Variants in SGCD observed in about 807,000 individuals in gnomAD.
SGCD encodes sarcoglycan delta, also known as delta-sarcoglycan.
SGCD carries 18 observed loss-of-function variants against 36.6 expected under a neutral mutation model. The observed-to-expected ratio is 0.49, with a 90% CI of 0.34 to 0.73. SGCD has a LOEUF of 0.73. SGCD is among the 30% of genes least tolerant of loss of function. The pLI is 0.01. For missense variants in SGCD, 387 were observed against 346.7 expected (o/e 1.12, Z -0.92); for synonymous variants, 133 against 130.6 (o/e 1.02, Z -0.12).
intron 3 of SGCD, among the ~76,000 whole-genome samples, chr5:156,191,211 T>C (rs75854159): frequency 5.7e-4 from 87 of 152,176 alleles, no homozygotes; most frequent in African/African-American, 2.0e-3. Context: ...CTTACAGAGA[T>C]GAGAAAAGGA....
rs1763869841 is a variant in SGCD at position 156,190,698 on chromosome 5, A to G, written c.-44+66679A>G. On this transcript the variant is annotated intron_variant, in intron 3 of 9. Transcript: ENST00000517913. ...AATTACTAAGTAAGTTGTATATTAT[A>G]TTAGAGGTAACATGTACCTTTTAAT... Among the ~76,000 whole-genome samples, 3 of 152,274 alleles carry G rather than the reference A, an allele frequency of 2.0e-5. No individual in the cohort carries two copies. The South Asian group carries it at 6.2e-4, about 32-fold the overall frequency.
intron 6 of SGCD, among the ~76,000 whole-genome samples, chr5:156,612,434 T>C (rs1761858466): frequency 1.3e-5 from 2 of 152,232 alleles, no homozygotes; most frequent in African/African-American, 4.8e-5. Flanking sequence ...GGTACTGAAC[T>C]GGTGGTTGGG....
At chr5:156,429,216 C>G (rs968664385) in intron 3 of SGCD, among the ~76,000 whole-genome samples, 1 of 149,506 alleles carries the variant, frequency 6.7e-6, no homozygotes, top group Non-Finnish European at 1.5e-5. Context: ...GACTGTGATA[C>G]CTTCCTGTTG....
At chr5:156,202,814 C>T (rs184233823) in intron 3 of SGCD, among the ~76,000 whole-genome samples, 1 of 144,616 alleles carries the variant, frequency 6.9e-6, no homozygotes, top group African/African-American at 2.6e-5. Context: ...GGAGTTAATG[C>T]AGTTGGGCAT....
intron 4 of SGCD, among the ~76,000 whole-genome samples, chr5:156,572,198 A>G (rs1399897573): frequency 6.6e-6 from 1 of 152,228 alleles, no homozygotes; most frequent in Non-Finnish European, 1.5e-5. Context: ...GAATAGTGCT[A>G]CTATGAGCAT....
intron 7 of SGCD, among the ~76,000 whole-genome samples, chr5:156,747,614 A>C (rs1341671851): frequency 6.6e-6 from 1 of 152,154 alleles, no homozygotes; most frequent in African/African-American, 2.4e-5. Flanking sequence ...TCAACATGGT[A>C]GCCGGCTTCC....
At chr5:156,577,380 A>T (rs1760010809) in intron 4 of SGCD, among the ~76,000 whole-genome samples, 1 of 152,222 alleles carries the variant, frequency 6.6e-6, no homozygotes, top group African/African-American at 2.4e-5. Context: ...CTTTTTGCTT[A>T]GGATTGTCTT....
chr5:156,076,589 G>A (rs1292799831), intron 1 of SGCD, among the ~76,000 whole-genome samples: 1 of 152,116 alleles, frequency 6.6e-6, no homozygotes, highest in Non-Finnish European at 1.5e-5. Flanking sequence ...GCTAGCTATG[G>A]GATGAAGTTT....
the SGCD span, among the ~76,000 whole-genome samples, chr5:155,742,860 C>T: frequency 6.6e-6 from 1 of 152,220 alleles, no homozygotes; most frequent in Admixed American, 6.5e-5. Context: ...TTCTATTACC[C>T]TCTCCTCTGA....
chr5:156,222,378 C>T (rs1446887020), intron 3 of SGCD, among the ~76,000 whole-genome samples: 1 of 152,120 alleles, frequency 6.6e-6, no homozygotes, highest in Non-Finnish European at 1.5e-5. Context: ...TTTATAGATT[C>T]TACTTTACAT....
intron 3 of SGCD, among the ~76,000 whole-genome samples, chr5:156,252,482 C>CT (rs1342915625): frequency 2.6e-5 from 4 of 152,112 alleles, no homozygotes; most frequent in Non-Finnish European, 5.9e-5. Flanking sequence ...ATTTTGCGTC[C>CT]TTTTTTAAAG....
chr5:156,550,986 T>C (rs1193253303), intron 4 of SGCD, among the ~76,000 whole-genome samples: 22 of 152,208 alleles, frequency 1.4e-4, no homozygotes, highest in Non-Finnish European at 1.5e-5. Context: ...TCTTTACCAC[T>C]TGGCTGTCTC....
intron 3 of SGCD, chr5:156,458,323 A>G (rs1754343291): frequency 2.1e-6 from 2 of 954,050 alleles, no homozygotes; most frequent in East Asian, 2.6e-5. Context: ...TAACATGTTT[A>G]TTCTTTTGCG....
At chr5:156,528,162 T>C (rs1393586768) in intron 4 of SGCD, among the ~76,000 whole-genome samples, 1 of 152,202 alleles carries the variant, frequency 6.6e-6, no homozygotes, top group Non-Finnish European at 1.5e-5. Context: ...CTTCCTGAAT[T>C]TGAATCTTTG....
chr5:156,318,479 C>A (rs1225927784), intron 3 of SGCD, among the ~76,000 whole-genome samples: 1 of 152,172 alleles, frequency 6.6e-6, no homozygotes, highest in African/African-American at 2.4e-5. Context: ...ACAGACCAAC[C>A]ACTCACTAAA....
intron 3 of SGCD, among the ~76,000 whole-genome samples, chr5:156,201,506 T>C (rs1374981892): frequency 6.6e-6 from 1 of 152,076 alleles, no homozygotes; most frequent in African/African-American, 2.4e-5. Context: ...AGTGTAACCA[T>C]AGGAGGTTTT....
chr5:156,676,937 G>A (rs1237109473), intron 7 of SGCD, among the ~76,000 whole-genome samples: 1 of 152,158 alleles, frequency 6.6e-6, no homozygotes, highest in African/African-American at 2.4e-5. Flanking sequence ...GTTCTAGCCA[G>A]GGAGACCTTA....
At chr5:156,239,040 T>A (rs1380201040) in intron 3 of SGCD, among the ~76,000 whole-genome samples, 1 of 152,056 alleles carries the variant, frequency 6.6e-6, no homozygotes, top group African/African-American at 2.4e-5. Flanking sequence ...GGGGCCTCAT[T>A]CATTTTGGAA....
intron 1 of SGCD, among the ~76,000 whole-genome samples, chr5:155,934,505 C>T (rs575645043): frequency 3.3e-5 from 5 of 152,274 alleles, no homozygotes; most frequent in African/African-American, 9.6e-5. Context: ...GTGTTTCCAA[C>T]TTGGTACAGC....
Sources: gnomAD v4.1 joint callset for allele counts (sites outside exome capture counted in the v4.1 genomes callset) on GRCh38, gnomAD v4.1.1 for gene constraint, MANE v1.5 for transcripts, NCBI Gene and HGNC (gene_info 2026-07-23, HGNC 2026-07-21) for gene names.